L3MBTL1: variants seen among roughly 807,000 people sequenced by gnomAD.
L3MBTL1 encodes the protein L3MBTL histone methyl-lysine binding protein 1.
In L3MBTL1, 75 loss-of-function variants were observed where a neutral mutation model predicts 105.3. The ratio of observed to expected loss-of-function variants is 0.71; its 90% confidence interval spans 0.59 to 0.86. The LOEUF (loss-of-function observed/expected upper bound fraction) is 0.86. Among genes scored for constraint, L3MBTL1 ranks in the 40% least tolerant of loss-of-function variants. L3MBTL1 has a pLI of 0.00. For synonymous variants in L3MBTL1, 452 were observed against 436.2 expected, an observed-to-expected ratio of 1.04 and a Z score of -0.45; for missense variants, 1,069 against 1,126.4, an observed-to-expected ratio of 0.95 and a Z score of 0.73.
chr20:43,508,266 G>T (rs1424066994), intron 1 of L3MBTL1, among the ~76,000 whole-genome samples: 1 of 150,892 alleles, frequency 6.6e-6, no homozygotes, highest in African/African-American at 2.4e-5. Flanking sequence ...AAAAGTAACC[G>T]TTCTGCGGAA....
intron 3 of L3MBTL1, 154 bp from the exon 4 acceptor site, chr20:43,514,481 G>C: frequency 6.6e-7 from 1 of 1,525,398 alleles, no homozygotes; most frequent in Non-Finnish European, 8.8e-7. Flanking sequence ...GGGTTTGGCT[G>C]GTGTAGCTTG....
At chr20:43,519,841 T>C (rs896155484) in intron 7 of L3MBTL1, among the ~76,000 whole-genome samples, 1 of 152,164 alleles carries the variant, frequency 6.6e-6, no homozygotes, top group Non-Finnish European at 1.5e-5. Context: ...GAGCAGAAAG[T>C]TCGTTTTGAT....
intron 7 of L3MBTL1, among the ~76,000 whole-genome samples, chr20:43,527,176 C>T (rs935970517): frequency 1.3e-5 from 2 of 152,318 alleles, no homozygotes; most frequent in Non-Finnish European, 1.5e-5. Context: ...ATCTTTTATA[C>T]ATAGATCTGA....
rs566855653 is a variant in L3MBTL1 at position 43,535,935 on chromosome 20, C to A, written c.1924C>A (p.Arg642=). 1.9e-6 allele frequency: 3 copies of A among 1,609,832 alleles called. No individual in the cohort carries two copies. The highest frequency in any genetic ancestry group is 2.5e-6 in the Non-Finnish European group (3 of 1,176,876). ...GACCTCCAAATACAGCTTTCACCAC[C>A]GGTGAGTGAAGGTTCCTGGTGAGAG... ...TRTSKYSFHH[R]KCPTPGCDGS... is the part of the protein sequence containing the mutation. Residue 642 remains arginine, a splice_region_variant and synonymous_variant, in exon 17 of 22, where the codon CGG becomes AGG. Coordinates refer to ENST00000418998, the MANE Select transcript of L3MBTL1 (RefSeq NM_001377303.1).
intron 1 of L3MBTL1, among the ~76,000 whole-genome samples, chr20:43,508,050 C>T (rs1386837612): frequency 2.0e-5 from 3 of 152,102 alleles, no homozygotes; most frequent in Non-Finnish European, 4.4e-5. Context: ...GATACGCAAT[C>T]AATTAAGAGT....
At chr20:43,528,403 G>T (rs2019142195) in intron 7 of L3MBTL1, among the ~76,000 whole-genome samples, 1 of 152,212 alleles carries the variant, frequency 6.6e-6, no homozygotes, top group Non-Finnish European at 1.5e-5. Context: ...GAATAATCCA[G>T]AGTACTTCTG....
intron 7 of L3MBTL1, among the ~76,000 whole-genome samples, chr20:43,519,740 A>G (rs2018608919): frequency 6.6e-6 from 1 of 152,228 alleles, no homozygotes; most frequent in Admixed American, 6.5e-5. Flanking sequence ...TCCTGGGCTC[A>G]AGGGATCCTT....
rs1412351538 is a variant in L3MBTL1 at position 43,541,537 on chromosome 20, T to G, written c.*409T>G. 1 of 177,720 alleles carries G rather than the reference T, an allele frequency of 5.6e-6. No homozygotes were observed. Among genetic ancestry groups the G allele is most frequent in the African/African-American group, 2.4e-5 (1 of 42,508 alleles). 11.0% of individuals were successfully genotyped at this position (177,720 alleles called of 1,614,324 possible). A position where few individuals can be genotyped will look rare whatever the true frequency, so the allele number is the denominator to read the frequency against. The stretch of plus-strand genomic sequence containing the variant: ...GGCAATTCTGTCATTGTGTAAACAT[T>G]ATAGAATGTACTTACACAAACCTAG... On this transcript the variant is annotated 3_prime_UTR_variant, in exon 22 of 22. Coordinates refer to ENST00000418998, the MANE Select transcript of L3MBTL1 (RefSeq NM_001377303.1).
intron 1 of L3MBTL1, among the ~76,000 whole-genome samples, chr20:43,511,445 C>A (rs2145366507): frequency 6.6e-6 from 1 of 152,152 alleles, no homozygotes; most frequent in African/African-American, 2.4e-5. Flanking sequence ...AGTAATGAGA[C>A]AGATAGTGGT....
rs111939216 is a variant in L3MBTL1 at position 43,539,706 on chromosome 20, G to C, written c.2174-445G>C. ...TCTGAAGCAGAATCACCCTGGCTCT[G>C]AGAAAGTTGGTCGTGGCCCGGAAGG... On this transcript the variant is annotated intron_variant, in intron 19 of 21. Transcript: ENST00000418998. 1,017 of 265,382 alleles carry C rather than the reference G, an allele frequency of 3.8e-3. 20 individuals are homozygous for C. The highest frequency in any genetic ancestry group is 0.031 in the East Asian group (324 of 10,552). 16.4% of individuals were successfully genotyped at this position (265,382 alleles called of 1,614,324 possible).
chr20:43,511,415 G>A (rs2018131428), intron 1 of L3MBTL1, among the ~76,000 whole-genome samples: 2 of 152,186 alleles, frequency 1.3e-5, no homozygotes, highest in South Asian at 4.1e-4. Context: ...TGAAGGATGA[G>A]AAAGAAAGAA....
At chr20:43,514,457 G>A (rs1195103736) in intron 3 of L3MBTL1, 178 bp from the exon 4 acceptor site, 18 of 1,498,568 alleles carry the variant, frequency 1.2e-5, no homozygotes, top group Non-Finnish European at 1.4e-5. Context: ...GCTTGGGGGC[G>A]TAGCCTGGAG....
intron 6 of L3MBTL1, 46 bp from the exon 7 acceptor site, chr20:43,516,047 C>T (rs2018371325): frequency 6.8e-7 from 1 of 1,477,058 alleles, no homozygotes; most frequent in African/African-American, 1.4e-5. Context: ...GGGCTTCATC[C>T]CAAACCATGA....
chr20:43,548,350 C>T, exon 19 of L3MBTL1: 1 of 1,035,014 alleles, frequency 9.7e-7, no homozygotes, highest in South Asian at 1.5e-5. Flanking sequence ...CCCCATGCTC[C>T]ACCTATATCT....
intron 7 of L3MBTL1, among the ~76,000 whole-genome samples, chr20:43,519,385 C>G (rs2018588357): frequency 2.0e-5 from 3 of 151,724 alleles, no homozygotes; most frequent in African/African-American, 7.3e-5. Flanking sequence ...TCCTGTAATC[C>G]CAGCACTTTG....
intron 1 of L3MBTL1, among the ~76,000 whole-genome samples, chr20:43,510,252 G>T (rs2018096092): frequency 1.3e-5 from 2 of 151,932 alleles, no homozygotes; most frequent in African/African-American, 4.8e-5. Context: ...CACCCACCTT[G>T]GCCTCCCAAA....
At chr20:43,516,287 A>G in intron 7 of L3MBTL1, 110 bp downstream of exon 7, 1 of 766,086 alleles carries the variant, frequency 1.3e-6, no homozygotes, top group South Asian at 1.5e-5. Context: ...ACATGCATAA[A>G]TGAGCATGAG....
intron 1 of L3MBTL1, among the ~76,000 whole-genome samples, chr20:43,508,055 A>G (rs1024980590): frequency 3.9e-5 from 6 of 152,148 alleles, no homozygotes; most frequent in African/African-American, 1.4e-4. Context: ...GCAATCAATT[A>G]AGAGTTTTTT....
intron 16 of L3MBTL1, among the ~76,000 whole-genome samples, chr20:43,535,531 G>A (rs371267169): frequency 6.6e-6 from 1 of 152,324 alleles, no homozygotes; most frequent in African/African-American, 2.4e-5. Context: ...TCTGCCAGAT[G>A]TGGCTTCTAA....
Sources: gnomAD v4.1 joint callset for allele counts (sites outside exome capture counted in the v4.1 genomes callset) on GRCh38, gnomAD v4.1.1 for gene constraint, MANE v1.5 for transcripts, NCBI Gene and HGNC (gene_info 2026-07-23, HGNC 2026-07-21) for gene names.